SORL1-AS1: variants seen among roughly 807,000 people sequenced by gnomAD.
SORL1-AS1 encodes the protein SORL1 antisense RNA 1, also known as lncRNA 51 A.
downstream of SORL1-AS1, among the ~76,000 whole-genome samples, chr11:121,443,372 A>G (rs893660798): frequency 6.6e-6 from 1 of 152,232 alleles, no homozygotes; most frequent in Non-Finnish European, 1.5e-5. Flanking sequence ...CTACAGTGGC[A>G]TATCTAAAAT....
chr11:121,447,958 G>A (rs1443481102), exon 2 of SORL1-AS1: 1 of 152,174 alleles, frequency 6.6e-6, no homozygotes, highest in Non-Finnish European at 1.5e-5. Context: ...CTTCCTAAGA[G>A]AGGTATCAGA....
the SORL1-AS1 span, among the ~76,000 whole-genome samples, chr11:121,441,649 T>C: frequency 2.4e-4 from 37 of 152,094 alleles, no homozygotes; most frequent in Non-Finnish European, 4.7e-4. Context: ...GTGTATGCAC[T>C]GGCTTGTGCC....
rs140041029 is a variant in SORL1-AS1 at position 121,451,128 on chromosome 11, G to T, written n.340-1229C>A. Reference sequence around the variant, plus strand: ...AACTATAAAGGTAGTCTCCCTTTCAGCCCTGCTTGCTGTGTCTTTATTCTT... The same window carrying T: ...AACTATAAAGGTAGTCTCCCTTTCATCCCTGCTTGCTGTGTCTTTATTCTT... On this transcript the variant is annotated intron_variant and non_coding_transcript_variant, in intron 1 of 1. Transcript: ENST00000501964. Among the ~76,000 whole-genome samples, 60 of 152,272 alleles carry T rather than the reference G, an allele frequency of 3.9e-4. 1 individual carries two copies. The East Asian group carries it at 9.8e-3, about 25-fold the overall frequency.
exon 2 of SORL1-AS1, chr11:121,449,058 C>T (rs1439185864): frequency 6.6e-6 from 1 of 152,152 alleles, no homozygotes; most frequent in Non-Finnish European, 1.5e-5. Context: ...CATGACTCCA[C>T]CTGGATAAAA....
At chr11:121,441,282 G>C in the SORL1-AS1 span, among the ~76,000 whole-genome samples, 1 of 152,090 alleles carries the variant, frequency 6.6e-6, no homozygotes, top group East Asian at 1.9e-4. Flanking sequence ...CCAGCACTTT[G>C]GGAGGCCGAG....
At chr11:121,438,178 T>A in the SORL1-AS1 span, among the ~76,000 whole-genome samples, 7 of 152,210 alleles carry the variant, frequency 4.6e-5, no homozygotes, top group African/African-American at 1.7e-4. Context: ...TGTTTTTTAT[T>A]ACTTAATCAG....
chr11:121,439,439 G>C, the SORL1-AS1 span, among the ~76,000 whole-genome samples: 1 of 151,634 alleles, frequency 6.6e-6, no homozygotes, highest in South Asian at 2.1e-4. Context: ...TTTTATTACT[G>C]ATTTGTAAGA....
At chr11:121,440,655 G>A in the SORL1-AS1 span, among the ~76,000 whole-genome samples, 1 of 152,164 alleles carries the variant, frequency 6.6e-6, no homozygotes, top group Non-Finnish European at 1.5e-5. Context: ...CTTCTTTCTT[G>A]AAGACCTTCA....
At chr11:121,451,375 T>TG (rs1357792032) in intron 1 of SORL1-AS1, among the ~76,000 whole-genome samples, 1 of 152,206 alleles carries the variant, frequency 6.6e-6, no homozygotes, top group Non-Finnish European at 1.5e-5. Flanking sequence ...CCCTCCTCTG[T>TG]GGGTGTTTGC....
Position 121,452,860 on chromosome 11 carries a change from A to G in SORL1-AS1, n.154T>C. 2.2e-6 allele frequency: 1 copy of G among 450,482 alleles called. No individual in the cohort carries two copies. The allele number at this position is 450,482 out of a possible 1,614,324, so 27.9% of individuals were successfully genotyped here. A position where few individuals can be genotyped will look rare whatever the true frequency, so the allele number is the denominator to read the frequency against. On this transcript the variant is annotated non_coding_transcript_exon_variant, in exon 1 of 2. Transcript: ENST00000501964. The surrounding 1 kb of genome is among the most constrained non-coding windows in gnomAD (Gnocchi z 5.3). The stretch of plus-strand genomic sequence containing the variant: ...CGCCGGGTGCAGTGCGTATTACCCC[A>G]GGGTGTGTGCAGAGAGATGTAGTTT...
chr11:121,450,955 T>C lies in SORL1-AS1; in HGVS notation n.340-1056A>G, dbSNP rs1238374550. On this transcript the variant is annotated intron_variant and non_coding_transcript_variant, in intron 1 of 1. Transcript: ENST00000501964. This position sits in a 1 kb window ranked among gnomAD's most constrained non-coding sequence, Gnocchi z 5.2. ...GCAGGTTGTCAGTGGTAGTCCTAGG[T>C]AGAGGAGGGGGCTTTGCTAAGCTAC... Among the ~76,000 whole-genome samples, 1 of 151,916 alleles carries C rather than the reference T, an allele frequency of 6.6e-6. No individual in the cohort carries two copies. The highest frequency in any genetic ancestry group is 1.5e-5 in the Non-Finnish European group (1 of 67,964).
downstream of SORL1-AS1, among the ~76,000 whole-genome samples, chr11:121,442,783 A>G (rs948787530): frequency 1.3e-5 from 2 of 149,622 alleles, no homozygotes; most frequent in Non-Finnish European, 3.0e-5. Flanking sequence ...GGTTCACGCC[A>G]TTCTCCTGCC....
chr11:121,449,210 T>C (rs1211078411), exon 2 of SORL1-AS1: 1 of 152,170 alleles, frequency 6.6e-6, no homozygotes, highest in African/African-American at 2.4e-5. Context: ...AGTCTATCAT[T>C]ACATTTCCGT....
chr11:121,442,019 T>A, the SORL1-AS1 span, among the ~76,000 whole-genome samples: 1 of 152,226 alleles, frequency 6.6e-6, no homozygotes, highest in Non-Finnish European at 1.5e-5. Flanking sequence ...CAATCATTAG[T>A]TATTTTTGAT....
In SORL1-AS1 at chr11:121,452,425, A is replaced by T; in HGVS notation, n.339+250T>A. On this transcript the variant is annotated intron_variant and non_coding_transcript_variant, in intron 1 of 1. Coordinates refer to ENST00000501964, the Ensembl canonical transcript of SORL1-AS1. The surrounding 1 kb of genome is among the most constrained non-coding windows in gnomAD (Gnocchi z 5.3). ...GCCCGGAGCTCTCTGCGAAGTCTGG[A>T]CGCAGAGGCTGCACGGCGGCAGCGC... 6.6e-7 allele frequency: 1 copy of T among 1,515,172 alleles called. No individual in the cohort carries two copies. The highest frequency in any genetic ancestry group is 8.8e-7 in the Non-Finnish European group (1 of 1,134,886). 93.9% of individuals were successfully genotyped at this position (1,515,172 alleles called of 1,614,324 possible). A position where few individuals can be genotyped will look rare whatever the true frequency, so the allele number is the denominator to read the frequency against.
chr11:121,444,095 GGTGT>G (rs67118053), downstream of SORL1-AS1, among the ~76,000 whole-genome samples: 1 of 150,970 alleles, frequency 6.6e-6, no homozygotes, highest in Admixed American at 6.6e-5. Flanking sequence ...TGTGCGCGTG[GGTGT>G]GTGTGTGTGT....
chr11:121,444,935 A>G (rs1241174075), downstream of SORL1-AS1, among the ~76,000 whole-genome samples: 1 of 152,194 alleles, frequency 6.6e-6, no homozygotes, highest in Non-Finnish European at 1.5e-5. Context: ...TAACCATTGA[A>G]AACGAAGAAT....
At position 121,452,253 on chromosome 11, in the gene SORL1-AS1, C is replaced by G. The variant is rs900390070; in HGVS notation, n.339+422G>C. 57 of 1,227,326 alleles carry G rather than the reference C, an allele frequency of 4.6e-5. No homozygotes were observed. The highest frequency in any genetic ancestry group is 5.7e-5 in the Non-Finnish European group (54 of 950,302). The allele number at this position is 1,227,326 out of a possible 1,614,324, so 76.0% of individuals were successfully genotyped here. ...GCCCCGGGAGCGGCGCGCGCGGTCC[C>G]GGCCCAGCGGCTCTCCTGGCCTCGC... On this transcript the variant is annotated intron_variant and non_coding_transcript_variant, in intron 1 of 1. Transcript: ENST00000501964. The surrounding 1 kb of genome is among the most constrained non-coding windows in gnomAD (Gnocchi z 5.3).
the SORL1-AS1 span, among the ~76,000 whole-genome samples, chr11:121,440,020 G>T: frequency 6.6e-6 from 1 of 152,170 alleles, no homozygotes; most frequent in East Asian, 1.9e-4. Context: ...TGGGTGGGGA[G>T]GCATGGTGCC....
Sources: gnomAD v4.1 joint callset for allele counts (sites outside exome capture counted in the v4.1 genomes callset) on GRCh38, gnomAD v4.1.1 for gene constraint, Gnocchi (gnomAD v3.1) non-coding constraint, MANE v1.5 for transcripts, NCBI Gene and HGNC (gene_info 2026-07-23, HGNC 2026-07-21) for gene names.